ELMO1: variants seen among roughly 807,000 people sequenced by gnomAD.
ELMO1 encodes the protein engulfment and cell motility protein 1.
In ELMO1, 26 loss-of-function variants were observed where a neutral mutation model predicts 98.9. The ratio of observed to expected loss-of-function variants is 0.26; its 90% CI spans 0.19 to 0.36. ELMO1 has a LOEUF of 0.36. Among genes scored for constraint, ELMO1 ranks in the 10% least tolerant of loss-of-function variants. The pLI is 1.00. For synonymous variants in ELMO1, 346 were observed against 346.0 expected, an observed-to-expected ratio of 1.00 and a Z score of 0.00; for missense variants, 627 against 935.2, an observed-to-expected ratio of 0.67 and a Z score of 4.30.
chr7:37,353,751 T>A (rs1414588667), intron 1 of ELMO1: 1 of 152,204 alleles, frequency 6.6e-6, no homozygotes, highest in African/African-American at 2.4e-5. Flanking sequence ...AGAGCGTTCA[T>A]TTGTCTGTTT....
intron 20 of ELMO1, 98 bp from the exon 21 acceptor site, chr7:36,861,834 T>C: frequency 1.7e-6 from 2 of 1,172,914 alleles, no homozygotes; most frequent in East Asian, 2.3e-5. Flanking sequence ...TAGGGCCAGC[T>C]TGTCTAGCCA....
chr7:37,291,842 G>A (rs1797694329), intron 4 of ELMO1, among the ~76,000 whole-genome samples: 1 of 151,132 alleles, frequency 6.6e-6, no homozygotes, highest in African/African-American at 2.4e-5. Context: ...TTGAACCCGG[G>A]AAGTGGAGGT....
chr7:37,172,075 G>A (rs998831203), intron 13 of ELMO1, among the ~76,000 whole-genome samples: 25 of 152,270 alleles, frequency 1.6e-4, no homozygotes, highest in Non-Finnish European at 1.5e-4. Context: ...TAGAAGCTAG[G>A]AGTTATCAGA....
chr7:36,939,270 C>T (rs1786813823), intron 16 of ELMO1, among the ~76,000 whole-genome samples: 1 of 151,860 alleles, frequency 6.6e-6, no homozygotes, highest in Non-Finnish European at 1.5e-5. Flanking sequence ...TTAACCTAGT[C>T]AGGCTGGGGG....
rs1375349444 is a variant in ELMO1, at chr7:36,991,359, T to C, written c.1437+21940A>G. On this transcript the variant is annotated intron_variant, in intron 16 of 21. Coordinates refer to ENST00000310758, the MANE Select transcript of ELMO1 (RefSeq NM_014800.11). ...TGAATCAGACCATATCTCCCAAGGA[T>C]GTGAGATCAGAAGTGGGGACTCTTC... Among the ~76,000 whole-genome samples, 5 of 152,284 alleles carry C rather than the reference T, an allele frequency of 3.3e-5. No homozygotes were observed. In the South Asian group the frequency reaches 8.3e-4, roughly 25 times the overall value.
At chr7:37,441,942 G>A (rs1283885991) in intron 1 of ELMO1, among the ~76,000 whole-genome samples, 1 of 152,178 alleles carries the variant, frequency 6.6e-6, no homozygotes, top group Admixed American at 6.5e-5. Flanking sequence ...TAACCAGTAA[G>A]GAGAAAACTG....
intron 5 of ELMO1, among the ~76,000 whole-genome samples, chr7:37,261,600 T>G (rs1795978434): frequency 6.6e-6 from 1 of 151,848 alleles, no homozygotes; most frequent in Admixed American, 6.6e-5. Context: ...TCTGATTGTG[T>G]TTTTCTTTCT....
At chr7:37,164,155 C>T (rs1355000141) in intron 13 of ELMO1, among the ~76,000 whole-genome samples, 1 of 152,264 alleles carries the variant, frequency 6.6e-6, no homozygotes, top group South Asian at 2.1e-4. Flanking sequence ...AGTGTCTGTT[C>T]ATATCCTTTG....
Position 37,213,268 on chromosome 7 carries a change from A to C in ELMO1, c.954+67T>G. 3.2e-6 allele frequency: 5 copies of C among 1,567,200 alleles called. No individual in the cohort carries two copies. The Admixed American group carries it at 9.0e-5, about 28-fold the overall frequency. The stretch of plus-strand genomic sequence containing the variant: ...AAACTCCCTAGTTTCAGGGTACCTC[A>C]AGAAAAGACTTTTAATGACACTTTC... On this transcript the variant is annotated intron_variant, in intron 12 of 21. Coordinates refer to ENST00000310758, the MANE Select transcript of ELMO1 (RefSeq NM_014800.11).
In ELMO1 at chr7:37,028,600, T is replaced by C. The variant is rs1419500337; in HGVS notation, c.1301-15165A>G. On this transcript the variant is annotated intron_variant, in intron 15 of 21. Coordinates refer to ENST00000310758, the MANE Select transcript of ELMO1 (RefSeq NM_014800.11). ...ATCCTGCTCTTTAAAAAAAAATTAT[T>C]TGAGAGAAAGTCTTATGGTCTTGCT... Among the ~76,000 whole-genome samples the C allele has an allele frequency of 3.9e-5, 6 of 152,120 alleles. 1 individual carries two copies. Among genetic ancestry groups the C allele is most frequent in the Admixed American group, 3.9e-4 (6 of 15,260 alleles).
chr7:37,047,812 T>A (rs148048000), intron 15 of ELMO1, among the ~76,000 whole-genome samples: 10 of 152,140 alleles, frequency 6.6e-5, no homozygotes, highest in Admixed American at 6.5e-4. Flanking sequence ...GATAAGTATC[T>A]CCAGGAAAGA....
chr7:37,233,284 C>A lies in ELMO1; in HGVS notation c.450-90G>T, dbSNP rs1794282694. 4.6e-6 allele frequency: 5 copies of A among 1,093,256 alleles called. No homozygotes were observed. The South Asian group carries it at 7.5e-5, about 16-fold the overall frequency. 67.7% of individuals were successfully genotyped at this position (1,093,256 alleles called of 1,614,324 possible). On this transcript the variant is annotated intron_variant, in intron 7 of 21. Transcript: ENST00000310758. ...AAAGTTCTGGGAAAGTGAATACAAG[C>A]AGAATTTTAAAAGATCAAGAGACAA...
intron 1 of ELMO1, among the ~76,000 whole-genome samples, chr7:37,401,223 G>A (rs1165605357): frequency 6.6e-6 from 1 of 152,074 alleles, no homozygotes; most frequent in Non-Finnish European, 1.5e-5. Flanking sequence ...ATAAAACACA[G>A]TTTGAAAGTG....
intron 16 of ELMO1, among the ~76,000 whole-genome samples, chr7:36,976,943 C>T (rs1562872153): frequency 2.0e-5 from 3 of 151,014 alleles, no homozygotes; most frequent in African/African-American, 7.2e-5. Flanking sequence ...AATGGAGGCA[C>T]CTGACCTCAG....
chr7:36,977,282 C>A (rs977536285), intron 16 of ELMO1, among the ~76,000 whole-genome samples: 1 of 152,118 alleles, frequency 6.6e-6, no homozygotes, highest in Non-Finnish European at 1.5e-5. Flanking sequence ...TTTAAGAAAT[C>A]CCATTAAAGG....
intron 1 of ELMO1, among the ~76,000 whole-genome samples, chr7:37,401,655 G>C (rs1026850836): frequency 6.6e-6 from 1 of 152,156 alleles, no homozygotes; most frequent in Admixed American, 6.5e-5. Context: ...AAAAGCAGGG[G>C]AGAATCCCTT....
chr7:37,013,609 G>A (rs184902981), intron 15 of ELMO1, 174 bp from the exon 16 acceptor site: 25 of 678,986 alleles, frequency 3.7e-5, no homozygotes, highest in African/African-American at 5.4e-5. Flanking sequence ...CATACAACTC[G>A]GAAGTTTAAG....
chr7:37,184,765 T>C (rs933504750), intron 13 of ELMO1, among the ~76,000 whole-genome samples: 1 of 151,838 alleles, frequency 6.6e-6, no homozygotes, highest in Admixed American at 6.6e-5. Flanking sequence ...AGACAAAAAT[T>C]AGCCCTGGTG....
intron 13 of ELMO1, among the ~76,000 whole-genome samples, chr7:37,210,799 A>G (rs1792920478): frequency 6.6e-6 from 1 of 152,114 alleles, no homozygotes; most frequent in African/African-American, 2.4e-5. Flanking sequence ...CTTCATGGGG[A>G]GAAAATCGAG....
Sources: allele counts gnomAD v4.1 joint callset (sites outside exome capture counted in the v4.1 genomes callset), GRCh38; gene constraint gnomAD v4.1.1; transcripts MANE v1.5; gene names NCBI Gene and HGNC (gene_info 2026-07-23, HGNC 2026-07-21).